The following MYO3B variants were observed in gnomAD, a reference collection of about 807,000 sequenced individuals.
MYO3B encodes the protein myosin-IIIb.
MYO3B carries 156 observed loss-of-function variants against 174.6 expected under a neutral mutation model. The observed-to-expected ratio is 0.89, with a 90% confidence interval of 0.78 to 1.02. MYO3B has a LOEUF of 1.02. Ranked by LOEUF, MYO3B falls within the 50% of genes least tolerant of loss-of-function variation. The pLI is 0.00. For synonymous variants in MYO3B, 563 were observed against 569.1 expected, an observed-to-expected ratio of 0.99 and a Z score of 0.15; for missense variants, 1,632 against 1,639.4, an observed-to-expected ratio of 1.00 and a Z score of 0.08.
intron 7 of MYO3B, among the ~76,000 whole-genome samples, chr2:170,327,143 T>C (rs4668239): frequency 0.17 from 26,613 of 152,230 alleles, 2,634 homozygotes; most frequent in Admixed American, 0.28. Context: ...TCCCAGCACT[T>C]TGGGAGGCCA....
chr2:170,418,110 G>A (rs1026187998), intron 22 of MYO3B, among the ~76,000 whole-genome samples: 5 of 152,188 alleles, frequency 3.3e-5, no homozygotes, highest in Non-Finnish European at 7.3e-5. Context: ...GTGAGGTCAC[G>A]TCCTAGTTTG....
intron 22 of MYO3B, among the ~76,000 whole-genome samples, chr2:170,431,822 T>C (rs2094711463): frequency 6.6e-6 from 1 of 152,236 alleles, no homozygotes; most frequent in African/African-American, 2.4e-5. Flanking sequence ...TCCACAAAAC[T>C]ACAATCCCTT....
At chr2:170,403,076 G>A in intron 19 of MYO3B, 81 bp downstream of exon 19, 1 of 1,371,852 alleles carries the variant, frequency 7.3e-7, no homozygotes, top group Non-Finnish European at 9.9e-7. Context: ...CAGAAACCCT[G>A]TAGACTAACA....
At chr2:170,244,813 G>C (rs2093171829) in intron 7 of MYO3B, among the ~76,000 whole-genome samples, 1 of 152,078 alleles carries the variant, frequency 6.6e-6, no homozygotes, top group Admixed American at 6.6e-5. Flanking sequence ...GTATGAATGG[G>C]GACTATTTTA....
chr2:170,260,608 T>C (rs1183041393), intron 7 of MYO3B, among the ~76,000 whole-genome samples: 2 of 152,206 alleles, frequency 1.3e-5, no homozygotes, highest in Admixed American at 1.3e-4. Flanking sequence ...CTGTGCTCAC[T>C]ACTTGGGTGA....
chr2:170,649,857 A>C (rs1364262312), intron 32 of MYO3B: 2 of 366 alleles, frequency 5.5e-3, no homozygotes, highest in Non-Finnish European at 9.7e-3. Flanking sequence ...GCTATAGTGT[A>C]AAAAAAAAAA....
At chr2:170,286,727 C>T (rs2093558766) in intron 7 of MYO3B, among the ~76,000 whole-genome samples, 1 of 151,922 alleles carries the variant, frequency 6.6e-6, no homozygotes, top group Non-Finnish European at 1.5e-5. Flanking sequence ...CTTTTCTGTC[C>T]TCCAGTTAAG....
chr2:170,274,192 G>A (rs1400655919), intron 7 of MYO3B, among the ~76,000 whole-genome samples: 1 of 152,060 alleles, frequency 6.6e-6, no homozygotes. Flanking sequence ...CTGAGAGAGA[G>A]AAAGACAGAG....
intron 32 of MYO3B, among the ~76,000 whole-genome samples, chr2:170,577,670 A>G (rs1026181372): frequency 1.3e-5 from 2 of 152,182 alleles, no homozygotes; most frequent in Admixed American, 1.3e-4. Context: ...AGCTTTGGGT[A>G]GTGTTAATAT....
rs376272336 is a variant in MYO3B, at chr2:170,652,967, G to A, written c.3888-16G>A. ...TTTATTTTTTGTTGAAAATCCTGTT[G>A]TTTTCTTTGTTGCAGCCAAATCAAA... On this transcript the variant is annotated splice_polypyrimidine_tract_variant and intron_variant, in intron 34 of 34. Transcript: ENST00000408978. 3 of 1,612,528 alleles carry A rather than the reference G, an allele frequency of 1.9e-6. No individual in the cohort carries two copies. The highest frequency in any genetic ancestry group is 2.5e-6 in the Non-Finnish European group (3 of 1,179,544).
At chr2:170,369,525 C>T in intron 9 of MYO3B, 148 bp downstream of exon 9, 2 of 856,410 alleles carry the variant, frequency 2.3e-6, no homozygotes, top group South Asian at 4.6e-5. Flanking sequence ...TACTCCATGC[C>T]CAGTGGATGA....
chr2:170,443,706 A>G (rs1414434560), intron 22 of MYO3B, among the ~76,000 whole-genome samples: 1 of 151,948 alleles, frequency 6.6e-6, no homozygotes, highest in East Asian at 1.9e-4. Context: ...TTGTTCAGTG[A>G]ATTTAATAAT....
intron 16 of MYO3B, among the ~76,000 whole-genome samples, chr2:170,399,464 ACT>A (rs1473800684): frequency 6.4e-5 from 8 of 125,178 alleles, no homozygotes; most frequent in African/African-American, 2.1e-4. Context: ...ACAGAGCAAG[ACT>A]CTATCTCAAA....
chr2:170,273,712 G>A lies in MYO3B; in HGVS notation c.749+37576G>A, dbSNP rs72887602. The stretch of plus-strand genomic sequence containing the variant: ...AACTCAGCTCATATGTCACTTCCTC[G>A]GTGAAACCTTCCTCAAACCCGTCAA... On this transcript the variant is annotated intron_variant, in intron 7 of 34. Coordinates refer to ENST00000408978, the MANE Select transcript of MYO3B (RefSeq NM_138995.5). 2.9e-3 allele frequency among the ~76,000 whole-genome samples: 434 copies of A among 151,538 alleles called. 5 individuals are homozygous for A. Among genetic ancestry groups the A allele is most frequent in the Middle Eastern group, 0.024 (7 of 294 alleles).
intron 32 of MYO3B, among the ~76,000 whole-genome samples, chr2:170,594,686 C>T (rs75641392): frequency 0.018 from 2,782 of 152,230 alleles, 36 homozygotes; most frequent in Middle Eastern, 0.037. Flanking sequence ...GACTGTGCTT[C>T]AAGCTAAGAC....
intron 28 of MYO3B, among the ~76,000 whole-genome samples, chr2:170,506,976 A>G (rs567120768): frequency 6.6e-6 from 1 of 151,898 alleles, no homozygotes; most frequent in Non-Finnish European, 1.5e-5. Context: ...CTTTTTCTTC[A>G]CTCATTTCAT....
intron 7 of MYO3B, among the ~76,000 whole-genome samples, chr2:170,323,225 AG>A (rs2093841837): frequency 6.6e-6 from 1 of 152,186 alleles, no homozygotes; most frequent in South Asian, 2.1e-4. Flanking sequence ...GTGACTTTGG[AG>A]GGAGCTAAAT....
At chr2:170,193,913 TTC>T (rs1165913651) in intron 1 of MYO3B, among the ~76,000 whole-genome samples, 1 of 152,190 alleles carries the variant, frequency 6.6e-6, no homozygotes, top group Non-Finnish European at 1.5e-5. Flanking sequence ...ACCCTTATTT[TTC>T]TGTTTAATTT....
intron 16 of MYO3B, among the ~76,000 whole-genome samples, chr2:170,394,141 T>C (rs2094431337): frequency 6.6e-6 from 1 of 152,206 alleles, no homozygotes; most frequent in East Asian, 1.9e-4. Context: ...TATAGAATAC[T>C]GTGAAGAGAC....
Sources: allele counts gnomAD v4.1 joint callset (sites outside exome capture counted in the v4.1 genomes callset), GRCh38; gene constraint gnomAD v4.1.1; transcripts MANE v1.5; gene names NCBI Gene and HGNC (gene_info 2026-07-23, HGNC 2026-07-21).